Variants in EPHX4 observed in about 807,000 individuals in gnomAD.
The protein encoded by EPHX4 is epoxide hydrolase 4.
EPHX4 carries 31 observed loss-of-function variants against 44.9 expected under a neutral mutation model. That is an observed-to-expected ratio of 0.69 (90% CI 0.52 to 0.93). EPHX4 has a LOEUF of 0.93. Ranked by LOEUF, EPHX4 falls within the 40% of genes least tolerant of loss-of-function variation. EPHX4 has a pLI of 0.00. For synonymous variants in EPHX4, 151 were observed against 159.7 expected (o/e 0.95, Z 0.41); for missense variants, 373 against 438.1 (o/e 0.85, Z 1.33).
chr1:92,031,490 A>ACT (rs1261462429), intron 1 of EPHX4, among the ~76,000 whole-genome samples: 4 of 152,312 alleles, frequency 2.6e-5, no homozygotes, highest in Non-Finnish European at 5.9e-5. Flanking sequence ...GAGACAGAGA[A>ACT]CCGAGTGGAA....
chr1:92,059,878 A>T (rs1211989926), intron 6 of EPHX4, among the ~76,000 whole-genome samples: 7 of 149,686 alleles, frequency 4.7e-5, no homozygotes, highest in Non-Finnish European at 8.9e-5. Context: ...TTTCTTTGAG[A>T]CAGGGTCTCA....
chr1:92,030,411 C>T (rs1688340706), intron 1 of EPHX4, 101 bp downstream of exon 1: 1 of 1,084,486 alleles, frequency 9.2e-7, no homozygotes, highest in Non-Finnish European at 1.3e-6. Flanking sequence ...CTCAGCGTCC[C>T]CTAGTGTCCT....
intron 6 of EPHX4, among the ~76,000 whole-genome samples, chr1:92,061,792 T>C (rs748385336): frequency 2.0e-5 from 3 of 152,260 alleles, no homozygotes; most frequent in Non-Finnish European, 4.4e-5. Context: ...GTATAAATTG[T>C]CTATATTGCA....
At chr1:92,030,365 GTGGGGGGCTCCGGGCT>G in intron 1 of EPHX4, 55 bp downstream of exon 1, 1 of 1,412,536 alleles carries the variant, frequency 7.1e-7, no homozygotes, top group Non-Finnish European at 9.3e-7. Flanking sequence ...CGCCGCGAGG[GTGGGGGGCTCCGGGCT>G]TCTCCTTCCG....
At chr1:92,060,299 A>G (rs1417274468) in intron 6 of EPHX4, among the ~76,000 whole-genome samples, 3 of 151,710 alleles carry the variant, frequency 2.0e-5, no homozygotes, top group African/African-American at 4.8e-5. Context: ...CTGCAGTCCC[A>G]GCTACTCAGG....
rs761692822 is a variant in EPHX4 at position 92,042,820 on chromosome 1, C to A, written c.318-3C>A. Reference sequence around the variant, plus strand: ...ATTTTAAATGCTTCCTTTTTTCCTGCAGGTATTCTTGGCGTTACCAACTGA... The same window carrying A: ...ATTTTAAATGCTTCCTTTTTTCCTGAAGGTATTCTTGGCGTTACCAACTGA... On this transcript the variant is annotated splice_region_variant and splice_polypyrimidine_tract_variant and intron_variant, in intron 2 of 6. Coordinates refer to ENST00000370383, the MANE Select transcript of EPHX4 (RefSeq NM_173567.5). The A allele has an allele frequency of 6.2e-7, 1 of 1,601,414 alleles. No individual in the cohort carries two copies. The highest frequency in any genetic ancestry group is 2.2e-5 in the East Asian group (1 of 44,694).
intron 2 of EPHX4, among the ~76,000 whole-genome samples, chr1:92,033,303 C>G (rs572413148): frequency 1.3e-5 from 2 of 152,166 alleles, no homozygotes; most frequent in South Asian, 2.1e-4. Context: ...GGTCTTTTTC[C>G]TCCTAAAAAG....
At position 92,063,298 on chromosome 1, in the gene EPHX4, C is replaced by T. The variant is rs1647539188; in HGVS notation, c.*12C>T. The stretch of plus-strand genomic sequence containing the variant: ...GAAAAAAAGATTGACTTTTCTTTAT[C>T]TTCTATGAAGGGTCTGTAATGAAAT... On this transcript the variant is annotated 3_prime_UTR_variant, in exon 7 of 7. Coordinates refer to ENST00000370383, the MANE Select transcript of EPHX4 (RefSeq NM_173567.5). 4 of 1,555,116 alleles carry T rather than the reference C, an allele frequency of 2.6e-6. No homozygotes were observed. In the African/African-American group the frequency reaches 4.1e-5, roughly 16 times the overall value.
At chr1:92,043,951 C>T (rs761980052) in intron 3 of EPHX4, among the ~76,000 whole-genome samples, 14 of 152,184 alleles carry the variant, frequency 9.2e-5, no homozygotes, top group African/African-American at 1.2e-4. Context: ...ATAGCCACCA[C>T]GAGACCAAAG....
At chr1:92,043,040 A>G in intron 3 of EPHX4, 60 bp downstream of exon 3, 1 of 1,335,088 alleles carries the variant, frequency 7.5e-7, no homozygotes, top group Non-Finnish European at 1.0e-6. Context: ...CAAATTGTGA[A>G]TCAATGACTT....
chr1:92,038,168 T>C (rs1352399054), intron 2 of EPHX4, among the ~76,000 whole-genome samples: 1 of 152,230 alleles, frequency 6.6e-6, no homozygotes, highest in Non-Finnish European at 1.5e-5. Context: ...TTATTTCTAA[T>C]ATGACATGGA....
At chr1:92,050,021 C>T (rs2101872705) in intron 4 of EPHX4, among the ~76,000 whole-genome samples, 1 of 152,080 alleles carries the variant, frequency 6.6e-6, no homozygotes, top group East Asian at 1.9e-4. Flanking sequence ...ATCGCTTGAA[C>T]CCAGGAGGCA....
intron 1 of EPHX4, among the ~76,000 whole-genome samples, chr1:92,030,938 A>G (rs903447182): frequency 1.3e-5 from 2 of 152,196 alleles, no homozygotes; most frequent in Non-Finnish European, 2.9e-5. Flanking sequence ...ATGCCTGCAG[A>G]CGCTAATTGT....
Position 92,063,476 on chromosome 1 carries a change from T to C in EPHX4, c.*190T>C, listed in dbSNP as rs1295375871. 6.4e-6 allele frequency: 3 copies of C among 469,876 alleles called. No homozygotes were observed. In the East Asian group the frequency reaches 1.0e-4, roughly 16 times the overall value. 29.1% of individuals were successfully genotyped at this position (469,876 alleles called of 1,614,324 possible). On this transcript the variant is annotated 3_prime_UTR_variant, in exon 7 of 7. Transcript: ENST00000370383. ...AACATATAATACAATGTTGATTTTC[T>C]TCTGGTGTATTTTGCACAGACAAGC...
intron 2 of EPHX4, among the ~76,000 whole-genome samples, chr1:92,039,798 T>G (rs1688485085): frequency 6.6e-6 from 1 of 151,750 alleles, no homozygotes; most frequent in Non-Finnish European, 1.5e-5. Context: ...GGATTACAGG[T>G]GTCCGCCACC....
chr1:92,038,223 T>G (rs1450397715), intron 2 of EPHX4, among the ~76,000 whole-genome samples: 1 of 152,204 alleles, frequency 6.6e-6, no homozygotes, highest in African/African-American at 2.4e-5. Context: ...AAATGTAAAA[T>G]GTTGCAGGAT....
At chr1:92,061,944 A>G (rs1156746369) in intron 6 of EPHX4, among the ~76,000 whole-genome samples, 1 of 152,176 alleles carries the variant, frequency 6.6e-6, no homozygotes, top group Non-Finnish European at 1.5e-5. Flanking sequence ...GTGCTGGCTC[A>G]TGCCTGTAAT....
intron 6 of EPHX4, among the ~76,000 whole-genome samples, chr1:92,058,950 A>G (rs921081411): frequency 6.6e-6 from 1 of 152,150 alleles, no homozygotes; most frequent in Non-Finnish European, 1.5e-5. Context: ...TTATGAAACC[A>G]TCTTTGTAAG....
intron 6 of EPHX4, among the ~76,000 whole-genome samples, chr1:92,060,067 T>C (rs1255860505): frequency 6.6e-6 from 1 of 151,798 alleles, no homozygotes; most frequent in Non-Finnish European, 1.5e-5. Context: ...TATAAACTAC[T>C]GAAAACCAGC....
Sources: gnomAD v4.1 joint callset for allele counts (sites outside exome capture counted in the v4.1 genomes callset) on GRCh38, gnomAD v4.1.1 for gene constraint, MANE v1.5 for transcripts, NCBI Gene and HGNC (gene_info 2026-07-23, HGNC 2026-07-21) for gene names.